The following ARL5A variants were observed in gnomAD, a reference collection of about 807,000 sequenced individuals.
ARL5A encodes the protein ADP-ribosylation factor-like protein 5A.
Under a neutral mutation model 25.9 loss-of-function variants are expected in ARL5A, and 18 were observed. The ratio of observed to expected loss-of-function variants is 0.69; its 90% CI spans 0.48 to 1.03. ARL5A has a LOEUF of 1.03. Among genes scored for constraint, ARL5A ranks in the 50% least tolerant of loss-of-function variants. ARL5A has a pLI of 0.00. For missense variants in ARL5A, 170 were observed against 211.9 expected (o/e 0.80, Z 1.23); for synonymous variants, 61 against 67.5 (o/e 0.90, Z 0.47).
At chr2:151,823,823 C>T (rs1425593099) in intron 1 of ARL5A, among the ~76,000 whole-genome samples, 12 of 152,144 alleles carry the variant, frequency 7.9e-5, no homozygotes, top group Admixed American at 7.9e-4. Flanking sequence ...CCAACTAAGA[C>T]GGGTACTAGG....
intron 1 of ARL5A, among the ~76,000 whole-genome samples, chr2:151,819,556 T>C (rs999233378): frequency 2.0e-4 from 30 of 152,182 alleles, no homozygotes; most frequent in Non-Finnish European, 2.5e-4. Context: ...TAGTAGGACA[T>C]ACCAGTGGAA....
chr2:151,807,102 G>T, intron 4 of ARL5A, 130 bp from the exon 5 acceptor site: 5 of 781,350 alleles, frequency 6.4e-6, no homozygotes, highest in Non-Finnish European at 1.0e-5. Flanking sequence ...GCATCTCAGT[G>T]CCTAGGCTGA....
At chr2:151,821,681 T>C (rs1172248191) in intron 1 of ARL5A, among the ~76,000 whole-genome samples, 1 of 151,990 alleles carries the variant, frequency 6.6e-6, no homozygotes, top group Non-Finnish European at 1.5e-5. Context: ...CTTGGCTCAA[T>C]GAAACCTCTA....
intron 1 of ARL5A, among the ~76,000 whole-genome samples, chr2:151,823,141 C>T (rs2099832574): frequency 6.6e-6 from 1 of 152,146 alleles, no homozygotes; most frequent in African/African-American, 2.4e-5. Context: ...CTATGTCTCT[C>T]AGAGCAAAAA....
In ARL5A at chr2:151,819,239, G is replaced by T. The variant is rs2099831924; in HGVS notation, c.47-4040C>A. On this transcript the variant is annotated intron_variant, in intron 1 of 5. Coordinates refer to ENST00000295087, the MANE Select transcript of ARL5A (RefSeq NM_012097.4). ...CTTACAAGGGCCGTAATCAGCTAAG[G>T]AGGTTAAACACTTATTCCAACCATG... is the stretch of plus-strand genomic sequence containing the variant. 2.0e-5 allele frequency among the ~76,000 whole-genome samples: 3 copies of T among 152,310 alleles called. No individual in the cohort carries two copies. In the South Asian group the frequency reaches 6.2e-4, roughly 32 times the overall value.
rs1002524035 is a variant in ARL5A, at chr2:151,828,246, G to A, written c.-70C>T. 18 of 1,419,378 alleles carry A rather than the reference G, an allele frequency of 1.3e-5. No individual in the cohort carries two copies. In the African/African-American group the frequency reaches 2.2e-4, roughly 17 times the overall value. 87.9% of individuals were successfully genotyped at this position (1,419,378 alleles called of 1,614,324 possible). A position where few individuals can be genotyped will look rare whatever the true frequency, so the allele number is the denominator to read the frequency against. The stretch of plus-strand genomic sequence containing the variant: ...GCTTCCCCCGGCTCAGGCTGAGGGG[G>A]AGGAGAGAGACGCGCTGGAGCCTCC... On this transcript the variant is annotated 5_prime_UTR_variant, in exon 1 of 6. Transcript: ENST00000295087.
intron 4 of ARL5A, among the ~76,000 whole-genome samples, chr2:151,808,243 C>T (rs1413215138): frequency 6.6e-6 from 1 of 152,150 alleles, no homozygotes; most frequent in Non-Finnish European, 1.5e-5. Flanking sequence ...GGTTTTGGTG[C>T]CACACTTGCA....
intron 5 of ARL5A, among the ~76,000 whole-genome samples, chr2:151,805,218 C>T (rs1429482596): frequency 3.0e-5 from 2 of 65,722 alleles, no homozygotes; most frequent in Admixed American, 2.4e-4. Flanking sequence ...TTTTAATGAA[C>T]AGTTTTTTTT....
rs1471712902 is a variant in ARL5A at position 151,800,508 on chromosome 2, A to G, written c.*2768T>C. ...ATTAAAAATGCCAGCCATCAGTGCT[A>G]AAGCACTTTTATATTCTTAAGGCAA... On this transcript the variant is annotated 3_prime_UTR_variant, in exon 6 of 6. Transcript: ENST00000295087. 6.6e-6 allele frequency: 1 copy of G among 152,246 alleles called. No individual in the cohort carries two copies. Among genetic ancestry groups the G allele is most frequent in the Non-Finnish European group, 1.5e-5 (1 of 68,058 alleles). 9.4% of individuals were successfully genotyped at this position (152,246 alleles called of 1,614,324 possible). A position where few individuals can be genotyped will look rare whatever the true frequency, so the allele number is the denominator to read the frequency against.
At chr2:151,820,956 T>A (rs1328130843) in intron 1 of ARL5A, among the ~76,000 whole-genome samples, 1 of 152,202 alleles carries the variant, frequency 6.6e-6, no homozygotes, top group Non-Finnish European at 1.5e-5. Flanking sequence ...CATAACCTTC[T>A]GTCTGCACCT....
intron 4 of ARL5A, among the ~76,000 whole-genome samples, chr2:151,811,386 A>C (rs892525904): frequency 6.6e-6 from 1 of 152,054 alleles, no homozygotes; most frequent in African/African-American, 2.4e-5. Context: ...TCTATAAATG[A>C]GTTGAGAAAG....
At chr2:151,806,222 G>A (rs1462769192) in intron 5 of ARL5A, among the ~76,000 whole-genome samples, 3 of 152,056 alleles carry the variant, frequency 2.0e-5, no homozygotes, top group African/African-American at 7.2e-5. Flanking sequence ...TTCTACTATA[G>A]GCACACACTT....
chr2:151,819,832 G>A (rs902311816), intron 1 of ARL5A, among the ~76,000 whole-genome samples: 4 of 151,718 alleles, frequency 2.6e-5, no homozygotes, highest in African/African-American at 9.7e-5. Context: ...GAGGCAGGTG[G>A]ATCACAAAGT....
Position 151,828,160 on chromosome 2 carries a change from G to A in ARL5A, c.17C>T (p.Thr6Ile). 6.2e-7 allele frequency: 1 copy of A among 1,606,568 alleles called. No homozygotes were observed. Residue 6 changes from threonine to isoleucine, a missense_variant, in exon 1 of 6, where the codon ACT (threonine) becomes ATT (isoleucine). Thr to Ile is a moderately conservative substitution (Grantham distance 89). Coordinates refer to ENST00000295087, the MANE Select transcript of ARL5A (RefSeq NM_012097.4). The stretch of plus-strand genomic sequence containing the variant: ...GTGATTGAACAGTCTCCATATTCTA[G>A]TGAAGAGAATTCCCATTCTCGGGCA... MGILF[T>I]RIWRLFNHQE... is the part of the protein sequence containing the mutation.
chr2:151,826,847 G>A lies in ARL5A; in HGVS notation c.46+1284C>T, dbSNP rs1197234222. On this transcript the variant is annotated intron_variant, in intron 1 of 5. Transcript: ENST00000295087. ...GTCAGAGACAGTGCTGATTAGAACT[G>A]ATTTTCTCTACTTTATGAAAAATCC... 1.3e-5 allele frequency among the ~76,000 whole-genome samples: 2 copies of A among 152,136 alleles called. 1 individual carries two copies. Among genetic ancestry groups the A allele is most frequent in the Non-Finnish European group, 2.9e-5 (2 of 68,030 alleles).
intron 1 of ARL5A, among the ~76,000 whole-genome samples, chr2:151,820,798 T>C (rs1376578269): frequency 1.4e-5 from 2 of 146,992 alleles, no homozygotes; most frequent in African/African-American, 2.5e-5. Context: ...GGGAAAGAAA[T>C]CCAGTCCTGC....
intron 1 of ARL5A, chr2:151,827,460 C>T (rs2099833225): frequency 6.6e-6 from 1 of 152,152 alleles, no homozygotes; most frequent in Admixed American, 6.5e-5. Flanking sequence ...GCAAAACAAA[C>T]AAAAACTGTG....
chr2:151,819,911 C>G (rs539368532), intron 1 of ARL5A, among the ~76,000 whole-genome samples: 1 of 152,202 alleles, frequency 6.6e-6, no homozygotes, highest in Non-Finnish European at 1.5e-5. Context: ...AAAAAATTAG[C>G]CTGGCATGGT....
At chr2:151,822,078 G>A (rs2099832417) in intron 1 of ARL5A, among the ~76,000 whole-genome samples, 2 of 152,240 alleles carry the variant, frequency 1.3e-5, no homozygotes, top group African/African-American at 2.4e-5. Context: ...TTGAACTCCT[G>A]ACCTCATGAT....
Sources: gnomAD v4.1 joint callset for allele counts (sites outside exome capture counted in the v4.1 genomes callset) on GRCh38, gnomAD v4.1.1 for gene constraint, MANE v1.5 for transcripts, NCBI Gene and HGNC (gene_info 2026-07-23, HGNC 2026-07-21) for gene names.